The following DIP2C variants were observed in gnomAD, a reference collection of about 807,000 sequenced individuals.
DIP2C encodes disco-interacting protein 2 homolog C.
Under a neutral mutation model 192.4 loss-of-function variants are expected in DIP2C, and 33 were observed. That is an observed-to-expected ratio of 0.17 (90% confidence interval 0.13 to 0.23). DIP2C has a LOEUF of 0.23. DIP2C is among the 10% of genes least tolerant of loss of function. DIP2C has a pLI of 1.00. For synonymous variants in DIP2C, 979 were observed against 864.1 expected, an observed-to-expected ratio of 1.13 and a Z score of -2.33; for missense variants, 1,537 against 2,110.1, an observed-to-expected ratio of 0.73 and a Z score of 5.32.
chr10:617,720 C>T (rs1853570668), intron 1 of DIP2C, among the ~76,000 whole-genome samples: 2 of 144,290 alleles, frequency 1.4e-5, no homozygotes, highest in Non-Finnish European at 1.5e-5. Context: ...GCTGAGAAAC[C>T]ACCCTCAAGG....
rs200732321 is a variant in DIP2C, at chr10:389,214, A to T, written c.1597+777T>A. On this transcript the variant is annotated intron_variant, in intron 13 of 36. Coordinates refer to ENST00000280886, the MANE Select transcript of DIP2C (RefSeq NM_014974.3). ...GATCTCAGGGGCATGGGGGTTCTCA[A>T]GGGGTCTCAAAGGGCCTCAGGGTAC... Among the ~76,000 whole-genome samples the T allele has an allele frequency of 4.9e-3, 739 of 150,656 alleles. 3 individuals carry two copies. Among genetic ancestry groups the T allele is most frequent in the Middle Eastern group, 0.014 (4 of 290 alleles).
intron 28 of DIP2C, among the ~76,000 whole-genome samples, chr10:342,222 G>A (rs531070882): frequency 1.9e-4 from 29 of 151,848 alleles, no homozygotes; most frequent in Non-Finnish European, 3.7e-4. Flanking sequence ...GCAGTGGTGC[G>A]ATCTCCGCTC....
At chr10:583,599 C>CT (rs1454661917) in intron 1 of DIP2C, among the ~76,000 whole-genome samples, 1 of 152,242 alleles carries the variant, frequency 6.6e-6, no homozygotes, top group Non-Finnish European at 1.5e-5. Flanking sequence ...CTGGGCCTCG[C>CT]TTTCTGCACT....
At chr10:313,291 C>T (rs1956637176) in intron 31 of DIP2C, among the ~76,000 whole-genome samples, 1 of 152,128 alleles carries the variant, frequency 6.6e-6, no homozygotes, top group Non-Finnish European at 1.5e-5. Context: ...CAGCATTAAC[C>T]CATTCCAACT....
chr10:442,310 C>T (rs533823441), intron 3 of DIP2C, among the ~76,000 whole-genome samples: 4 of 152,226 alleles, frequency 2.6e-5, no homozygotes, highest in African/African-American at 7.2e-5. Context: ...ATCACGCCCA[C>T]AATCAGCTCA....
At chr10:358,006 T>G in intron 22 of DIP2C, 69 bp from the exon 23 acceptor site, 1 of 1,204,872 alleles carries the variant, frequency 8.3e-7, no homozygotes, top group Non-Finnish European at 1.2e-6. Flanking sequence ...ACCTCCCACT[T>G]TGGTAAAGAC....
chr10:277,496 G>A lies in DIP2C; in HGVS notation c.4500C>T (p.Pro1500=), dbSNP rs866484253. 1.9e-6 allele frequency: 3 copies of A among 1,614,006 alleles called. No individual in the cohort carries two copies. The highest frequency in any genetic ancestry group is 2.7e-5 in the African/African-American group (2 of 74,890). Residue 1500 remains proline, a synonymous_variant, in exon 37 of 37, where the codon CCC becomes CCT. Coordinates refer to ENST00000280886, the MANE Select transcript of DIP2C (RefSeq NM_014974.3). Reference sequence around the variant, plus strand: ...CCTCCAGGACCACGTTGGTCACCAAGGGAACCAGGTCCAAGGCTTCTTGTT... The same window carrying A: ...CCTCCAGGACCACGTTGGTCACCAAAGGAACCAGGTCCAAGGCTTCTTGTT... ...GSEQEALDLV[P]LVTNVVLEEH...
intron 1 of DIP2C, among the ~76,000 whole-genome samples, chr10:564,506 T>TAGCTG (rs1239335405): frequency 6.6e-6 from 1 of 152,158 alleles, no homozygotes; most frequent in Non-Finnish European, 1.5e-5. Flanking sequence ...TCTTGGCCAG[T>TAGCTG]AGCTGAGGGC....
At chr10:299,506 A>T (rs2132255015) in intron 32 of DIP2C, among the ~76,000 whole-genome samples, 1 of 152,360 alleles carries the variant, frequency 6.6e-6, no homozygotes. Context: ...TATTTAATTC[A>T]AAGTGGATCA....
At chr10:360,124 T>A (rs1564613221) in intron 22 of DIP2C, among the ~76,000 whole-genome samples, 1 of 152,226 alleles carries the variant, frequency 6.6e-6, no homozygotes, top group Middle Eastern at 3.2e-3. Flanking sequence ...GTTTGCTACA[T>A]GAAGACGTAG....
At chr10:392,507 G>A (rs569781443) in intron 10 of DIP2C, among the ~76,000 whole-genome samples, 38 of 152,332 alleles carry the variant, frequency 2.5e-4, no homozygotes, top group African/African-American at 6.7e-4. Flanking sequence ...GGGAGGATGC[G>A]GCTGCTATTC....
At chr10:418,523 T>C (rs886239268) in intron 6 of DIP2C, among the ~76,000 whole-genome samples, 2 of 152,202 alleles carry the variant, frequency 1.3e-5, no homozygotes, top group Admixed American at 6.5e-5. Context: ...GAACAGCCGC[T>C]GTAGTCAGAA....
intron 1 of DIP2C, among the ~76,000 whole-genome samples, chr10:660,023 G>T (rs1856656806): frequency 6.6e-6 from 1 of 152,208 alleles, no homozygotes; most frequent in Non-Finnish European, 1.5e-5. Context: ...TGTACAAAAG[G>T]AAATGTCAAG....
chr10:345,090 C>A lies in DIP2C; in HGVS notation c.3252G>T (p.Leu1084=), dbSNP rs533541959. The A allele has an allele frequency of 3.1e-6, 5 of 1,612,760 alleles. No individual in the cohort carries two copies. Among genetic ancestry groups the A allele is most frequent in the Non-Finnish European group, 3.4e-6 (4 of 1,179,850 alleles). ...MIVEVSRSAC[L]MTTQLICKLL... is the part of the protein sequence containing the mutation. ...ACTTACAGATCAGCTGTGTCGTCAT[C>A]AGACAGGCAGAGCGACTCACCTGGC... The change falls in exon 27 of 37, where the codon CTG becomes CTT. Residue 1084 remains leucine, a synonymous_variant. Transcript: ENST00000280886.
chr10:590,975 G>T (rs1219709781), intron 1 of DIP2C, among the ~76,000 whole-genome samples: 2 of 152,186 alleles, frequency 1.3e-5, no homozygotes, highest in African/African-American at 4.8e-5. Flanking sequence ...CCGGTGGCAA[G>T]GCCCAAGCTG....
intron 1 of DIP2C, among the ~76,000 whole-genome samples, chr10:534,116 G>A (rs1847566569): frequency 1.3e-5 from 2 of 152,186 alleles, no homozygotes; most frequent in South Asian, 4.1e-4. Context: ...TGCAGCAGAG[G>A]CCGCCCCCTG....
At chr10:302,274 T>A (rs893460383) in intron 32 of DIP2C, among the ~76,000 whole-genome samples, 5 of 152,102 alleles carry the variant, frequency 3.3e-5, no homozygotes, top group African/African-American at 1.2e-4. Context: ...GGCACTGCTT[T>A]TGCCATTTCA....
At position 671,094 on chromosome 10, in the gene DIP2C, G is replaced by A. The variant is rs565397949; in HGVS notation, c.85+18400C>T. Among the ~76,000 whole-genome samples, 4 of 152,338 alleles carry A rather than the reference G, an allele frequency of 2.6e-5. No individual in the cohort carries two copies. In the East Asian group the frequency reaches 5.8e-4, roughly 22 times the overall value. On this transcript the variant is annotated intron_variant, in intron 1 of 36. Coordinates refer to ENST00000280886, the MANE Select transcript of DIP2C (RefSeq NM_014974.3). ...CCAAGCCCCTCAGACCGAGGGCTCC[G>A]CTACGTGGCTATGACCCCATCCCTG...
At chr10:346,726 G>A (rs1474219750) in intron 26 of DIP2C, among the ~76,000 whole-genome samples, 1 of 129,098 alleles carries the variant, frequency 7.7e-6, no homozygotes, top group African/African-American at 3.3e-5. Flanking sequence ...TCCCGGAAAC[G>A]TCACACACAC....
Sources: gnomAD v4.1 joint callset for allele counts (sites outside exome capture counted in the v4.1 genomes callset) on GRCh38, gnomAD v4.1.1 for gene constraint, MANE v1.5 for transcripts, NCBI Gene and HGNC (gene_info 2026-07-23, HGNC 2026-07-21) for gene names.